The following C8orf34 variants were observed in gnomAD, a reference collection of about 807,000 sequenced individuals.
C8orf34 encodes the protein chromosome 8 open reading frame 34.
A neutral mutation model predicts 68.3 loss-of-function variants in C8orf34; 65 were observed. The ratio of observed to expected loss-of-function variants is 0.95; its 90% CI spans 0.78 to 1.17. The LOEUF (loss-of-function observed/expected upper bound fraction) is 1.17, where lower values mean the gene tolerates loss of function less well. Ranked by LOEUF, C8orf34 falls within the 50% of genes most tolerant of loss-of-function variation. C8orf34 has a pLI of 0.00. For synonymous variants in C8orf34, 244 were observed against 241.2 expected, an observed-to-expected ratio of 1.01 and a Z score of -0.11; for missense variants, 664 against 655.4, an observed-to-expected ratio of 1.01 and a Z score of -0.14.
chr8:68,738,198 C>A lies in C8orf34; in HGVS notation c.1404+16761C>A, dbSNP rs183624571. Among the ~76,000 whole-genome samples, 189 of 152,140 alleles carry A rather than the reference C, an allele frequency of 1.2e-3. 1 individual carries two copies. Among genetic ancestry groups the A allele is most frequent in the African/African-American group, 4.4e-3 (182 of 41,536 alleles). On this transcript the variant is annotated intron_variant, in intron 10 of 13. Transcript: ENST00000518698. ...AATTGAATAACCTGCTCCAGAATGA[C>A]TTTTGGGTAAATAATGAAATTAAGG...
Position 68,729,023 on chromosome 8 carries a change from G to A in C8orf34, c.1404+7586G>A, listed in dbSNP as rs141951400. On this transcript the variant is annotated intron_variant, in intron 10 of 13. Transcript: ENST00000518698. ...AAAAAATAATGAATTTGGATAAGAT[G>A]CAAATATACTCTTTTCACAACTATA... Among the ~76,000 whole-genome samples the A allele has an allele frequency of 2.2e-4, 34 of 152,238 alleles. No individual in the cohort carries two copies. The East Asian group carries it at 6.2e-3, about 28-fold the overall frequency.
chr8:68,764,191 G>A (rs1213230334), intron 10 of C8orf34, among the ~76,000 whole-genome samples: 1 of 152,198 alleles, frequency 6.6e-6, no homozygotes, highest in African/African-American at 2.4e-5. Context: ...GAGGGGACAG[G>A]GAGATAGAGT....
At chr8:68,397,182 T>C (rs1304741839) in intron 1 of C8orf34, among the ~76,000 whole-genome samples, 2 of 151,958 alleles carry the variant, frequency 1.3e-5, no homozygotes, top group Non-Finnish European at 2.9e-5. Flanking sequence ...ACTTTTGTAT[T>C]TTTATTAGAG....
At chr8:68,600,275 T>C (rs1423511144) in intron 7 of C8orf34, among the ~76,000 whole-genome samples, 1 of 152,164 alleles carries the variant, frequency 6.6e-6, no homozygotes, top group Non-Finnish European at 1.5e-5. Context: ...CTTTCAACCT[T>C]TAAAATATAA....
At chr8:68,555,744 A>G (rs116319035) in intron 7 of C8orf34, among the ~76,000 whole-genome samples, 432 of 152,206 alleles carry the variant, frequency 2.8e-3, no homozygotes, top group African/African-American at 9.3e-3. Context: ...TTCTTTTTCA[A>G]TTAATTTTGT....
At chr8:68,560,588 C>T (rs1816392651) in intron 7 of C8orf34, among the ~76,000 whole-genome samples, 1 of 152,192 alleles carries the variant, frequency 6.6e-6, no homozygotes, top group South Asian at 2.1e-4. Flanking sequence ...GGTTAGATGG[C>T]AGAGCCTATT....
At chr8:68,732,270 A>G (rs1376422709) in intron 10 of C8orf34, among the ~76,000 whole-genome samples, 1 of 152,244 alleles carries the variant, frequency 6.6e-6, no homozygotes, top group African/African-American at 2.4e-5. Context: ...GTATTCTCTT[A>G]AAATCTATAA....
intron 8 of C8orf34, among the ~76,000 whole-genome samples, chr8:68,681,696 G>A (rs1039286833): frequency 1.3e-5 from 2 of 152,164 alleles, no homozygotes; most frequent in Non-Finnish European, 2.9e-5. Context: ...AAATCAGTAT[G>A]TCAAAGAGAT....
rs188011691 is a variant in C8orf34, at chr8:68,451,694, A to G, written c.607+5234A>G. ...TTTGTGGCACCTGAAAACAATTACAATAGTAATATCAAAGATCACTGATCA... is the reference window on the plus strand; with the variant it reads ...TTTGTGGCACCTGAAAACAATTACAGTAGTAATATCAAAGATCACTGATCA... On this transcript the variant is annotated intron_variant, in intron 3 of 13. Transcript: ENST00000518698. 4.3e-3 allele frequency among the ~76,000 whole-genome samples: 652 copies of G among 152,166 alleles called. 5 individuals carry two copies. The highest frequency in any genetic ancestry group is 0.015 in the African/African-American group (630 of 41,546).
At chr8:68,678,499 A>C (rs1445430231) in intron 8 of C8orf34, among the ~76,000 whole-genome samples, 1 of 152,200 alleles carries the variant, frequency 6.6e-6, no homozygotes, top group Non-Finnish European at 1.5e-5. Flanking sequence ...CGATCATTTC[A>C]ATTGATGATA....
At chr8:68,388,309 C>T (rs1163847075) in intron 1 of C8orf34, among the ~76,000 whole-genome samples, 2 of 152,124 alleles carry the variant, frequency 1.3e-5, no homozygotes, top group Non-Finnish European at 2.9e-5. Context: ...TGTATTTCTG[C>T]AGAGCCCCAG....
At position 68,405,812 on chromosome 8, in the gene C8orf34, A is replaced by G. The variant is rs114208035; in HGVS notation, c.328-33687A>G. On this transcript the variant is annotated intron_variant, in intron 1 of 13. Transcript: ENST00000518698. ...GTGAGAAACTAAAGATGAATAAACT[A>G]CTTAAAAGGCTCTGTACTATTTTCC... Among the ~76,000 whole-genome samples, 1,169 of 152,270 alleles carry G rather than the reference A, an allele frequency of 7.7e-3. 28 individuals carry two copies. Among genetic ancestry groups the G allele is most frequent in the African/African-American group, 0.027 (1,121 of 41,546 alleles).
At chr8:68,814,194 G>A (rs1824740016) in intron 12 of C8orf34, among the ~76,000 whole-genome samples, 1 of 152,192 alleles carries the variant, frequency 6.6e-6, no homozygotes. Context: ...AGCAGTATCA[G>A]CATCAACATC....
At chr8:68,385,693 A>G (rs1318826634) in intron 1 of C8orf34, among the ~76,000 whole-genome samples, 1 of 152,136 alleles carries the variant, frequency 6.6e-6, no homozygotes, top group African/African-American at 2.4e-5. Context: ...CCTTTCATAT[A>G]CACAACACAG....
intron 7 of C8orf34, among the ~76,000 whole-genome samples, chr8:68,555,283 A>G (rs191389972): frequency 1.6e-4 from 25 of 152,272 alleles, no homozygotes; most frequent in Admixed American, 1.5e-3. Flanking sequence ...CAAAACTGGG[A>G]TACCATTTGG....
chr8:68,762,701 G>A (rs1268393819), intron 10 of C8orf34, among the ~76,000 whole-genome samples: 1 of 152,170 alleles, frequency 6.6e-6, no homozygotes, highest in Non-Finnish European at 1.5e-5. Context: ...GCATACCTTC[G>A]TAAGAATAGA....
intron 1 of C8orf34, among the ~76,000 whole-genome samples, chr8:68,348,780 T>C (rs996817011): frequency 1.3e-5 from 2 of 152,100 alleles, no homozygotes; most frequent in African/African-American, 4.8e-5. Flanking sequence ...CTGTTGTTGG[T>C]GTACAGGAAT....
chr8:68,431,830 A>G (rs1419648501), intron 1 of C8orf34, among the ~76,000 whole-genome samples: 1 of 152,124 alleles, frequency 6.6e-6, no homozygotes, highest in Non-Finnish European at 1.5e-5. Context: ...ACAATTTAGA[A>G]TGTTTAGTTT....
Position 68,663,956 on chromosome 8 carries a change from T to TA in C8orf34, c.1241+23452dup, listed in dbSNP as rs1438316498. On this transcript the variant is annotated intron_variant, in intron 8 of 13. Coordinates refer to ENST00000518698, the MANE Select transcript of C8orf34 (RefSeq NM_052958.4). ...TTGAGAAGATGGTGGACCAGTGTCC[T>TA]AAAAAAACATTGTAATGTGAATTTT... Among the ~76,000 whole-genome samples the TA allele has an allele frequency of 3.3e-5, 5 of 152,270 alleles. No homozygotes were observed. In the South Asian group the frequency reaches 6.2e-4, roughly 19 times the overall value.
Sources: allele counts gnomAD v4.1 joint callset (sites outside exome capture counted in the v4.1 genomes callset), GRCh38; gene constraint gnomAD v4.1.1; transcripts MANE v1.5; gene names NCBI Gene and HGNC (gene_info 2026-07-23, HGNC 2026-07-21).